The following EVI5L variants were observed in gnomAD, a reference collection of about 807,000 sequenced individuals.
EVI5L encodes ecotropic viral integration site 5 like, also known as EVI5-like protein.
A neutral mutation model predicts 106.1 loss-of-function variants in EVI5L; 30 were observed. The observed-to-expected ratio is 0.28, with a 90% CI of 0.21 to 0.38. EVI5L has a LOEUF of 0.38. Ranked by LOEUF, EVI5L falls within the 10% of genes least tolerant of loss-of-function variation. The pLI is 1.00. For missense variants in EVI5L, 809 were observed against 1,098.0 expected (o/e 0.74, Z 3.72); for synonymous variants, 489 against 483.3 (o/e 1.01, Z -0.15).
chr19:7,853,265 A>G lies in EVI5L; in HGVS notation c.1086-8A>G. 2 of 1,613,886 alleles carry G rather than the reference A, an allele frequency of 1.2e-6. No individual in the cohort carries two copies. The highest frequency in any genetic ancestry group is 2.2e-5 in the East Asian group (1 of 44,870). On this transcript the variant is annotated splice_region_variant and splice_polypyrimidine_tract_variant and intron_variant, in intron 9 of 19. Coordinates refer to ENST00000538904, the MANE Select transcript of EVI5L (RefSeq NM_001159944.3). The stretch of plus-strand genomic sequence containing the variant: ...TGACAGTAACCACGGGGCCCTCCCG[A>G]TCTGCAGGCTGGAGAAGGAGTACGC...
Position 7,851,936 on chromosome 19 carries a change from A to C in EVI5L, c.987+166A>C, listed in dbSNP as rs182483166. ...ACTCTGTTCCCCTGAGGTCTCCCTA[A>C]GGGACCAGAGGACCCCCTAGGCTCT... On this transcript the variant is annotated intron_variant, in intron 8 of 19. Transcript: ENST00000538904. 2.0e-4 allele frequency among the ~76,000 whole-genome samples: 30 copies of C among 152,232 alleles called. No homozygotes were observed. The East Asian group carries it at 5.2e-3, about 26-fold the overall frequency.
At chr19:7,830,625 C>T (rs1184349633) in intron 1 of EVI5L, among the ~76,000 whole-genome samples, 1 of 148,790 alleles carries the variant, frequency 6.7e-6, no homozygotes, top group Non-Finnish European at 1.5e-5. Flanking sequence ...TCCGTCCCCT[C>T]CCCATGAGGA....
chr19:7,844,736 C>T (rs1276522783), intron 1 of EVI5L, among the ~76,000 whole-genome samples: 1 of 152,188 alleles, frequency 6.6e-6, no homozygotes, highest in Non-Finnish European at 1.5e-5. Context: ...AGAGTTCCTT[C>T]CACTCCCCAA....
Position 7,858,012 on chromosome 19 carries a change from C to T in EVI5L, c.1234-179C>T. 1 of 672,668 alleles carries T rather than the reference C, an allele frequency of 1.5e-6. No homozygotes were observed. Among genetic ancestry groups the T allele is most frequent in the Non-Finnish European group, 2.5e-6 (1 of 404,806 alleles). 41.7% of individuals were successfully genotyped at this position (672,668 alleles called of 1,614,324 possible). A position where few individuals can be genotyped will look rare whatever the true frequency, so the allele number is the denominator to read the frequency against. On this transcript the variant is annotated intron_variant, in intron 12 of 19. Coordinates refer to ENST00000538904, the MANE Select transcript of EVI5L (RefSeq NM_001159944.3). This position sits in a 1 kb window ranked among gnomAD's most constrained non-coding sequence, Gnocchi z 5.7. ...CTCCAGGTGTCCTATTCCTGCCTGT[C>T]ACCCACCCACGTCCCCAGGCCCAGT...
At chr19:7,862,872 C>T in intron 17 of EVI5L, 100 bp from the exon 18 acceptor site, 1 of 816,620 alleles carries the variant, frequency 1.2e-6, no homozygotes. Context: ...CGCCTCCGCC[C>T]GCGGCCCCGC....
Position 7,863,124 on chromosome 19 carries a change from G to C in EVI5L, c.2043+57G>C. On this transcript the variant is annotated intron_variant, in intron 18 of 19. Transcript: ENST00000538904. This position sits in a 1 kb window ranked among gnomAD's most constrained non-coding sequence, Gnocchi z 7.7. ...GGCGGGGGCAGGGCCCGGGGCAGGA[G>C]CGGGGCCGGACCCCAGGCCCAGCAT... 6.5e-7 allele frequency: 1 copy of C among 1,533,940 alleles called. No individual in the cohort carries two copies. Among genetic ancestry groups the C allele is most frequent in the South Asian group, 1.2e-5 (1 of 82,948 alleles).
Position 7,847,770 on chromosome 19 carries a change from A to C in EVI5L, c.176A>C (p.Asn59Thr). 6.2e-7 allele frequency: 1 copy of C among 1,613,354 alleles called. No individual in the cohort carries two copies. ...GACTCCAAGTCCATGCGCTCCATGA[A>C]TGGCTCGCGGCGGAACAGTGGCTCC... is the stretch of plus-strand genomic sequence containing the variant. ...EADSKSMRSM[N>T]GSRRNSGSSL... Residue 59 changes from asparagine (N) to threonine (T), a missense_variant, in exon 3 of 20, where the codon AAT becomes ACT. Coordinates refer to ENST00000538904, the MANE Select transcript of EVI5L (RefSeq NM_001159944.3).
chr19:7,862,661 C>A (rs1979882786), intron 17 of EVI5L, 127 bp downstream of exon 17: 2 of 821,328 alleles, frequency 2.4e-6, no homozygotes, highest in Non-Finnish European at 3.3e-6. Context: ...CGCGGTCCTC[C>A]CGCCCCCGCC....
chr19:7,835,962 C>T lies in EVI5L; in HGVS notation c.-48+5581C>T, dbSNP rs1365705701. 6.7e-6 allele frequency among the ~76,000 whole-genome samples: 1 copy of T among 149,116 alleles called. No individual in the cohort carries two copies. Among genetic ancestry groups the T allele is most frequent in the Admixed American group, 6.6e-5 (1 of 15,056 alleles). ...ATCAGAAATGGGGGGTAGGGCCGGG[C>T]GTGGTGGCTCACACCTGTGATCTCG... On this transcript the variant is annotated intron_variant, in intron 1 of 19. Coordinates refer to ENST00000538904, the MANE Select transcript of EVI5L (RefSeq NM_001159944.3). This position sits in a 1 kb window ranked among gnomAD's most constrained non-coding sequence, Gnocchi z 4.1.
Position 7,863,557 on chromosome 19 carries a change from C to T in EVI5L, c.2273C>T (p.Ala758Val), listed in dbSNP as rs889492229. 8.8e-6 allele frequency: 14 copies of T among 1,599,604 alleles called. No individual in the cohort carries two copies. In the African/African-American group the frequency reaches 1.3e-4, roughly 15 times the overall value. Residue 758 changes from alanine (A) to valine (V), a missense_variant, in exon 20 of 20, where the codon GCC (alanine) becomes GTC (valine). Physicochemically the swap from Ala to Val is moderately conservative, Grantham distance 64. Transcript: ENST00000538904. This position sits in a 1 kb window ranked among gnomAD's most constrained non-coding sequence, Gnocchi z 7.7. ...CTACTTGGCGTAGGCGTGGGCGCTG[C>T]CCTGCAGGACGCATTGTACCCTCTG... ...EELLGVGVGA[A>V]LQDALYPLSP...
At chr19:7,851,029 G>C (rs2146428083) in intron 6 of EVI5L, among the ~76,000 whole-genome samples, 1 of 152,208 alleles carries the variant, frequency 6.6e-6, no homozygotes, top group South Asian at 2.1e-4. Flanking sequence ...GGTGGGGGGG[G>C]GGCTCCCCCC....
chr19:7,841,650 C>A (rs1187276104), intron 1 of EVI5L, among the ~76,000 whole-genome samples: 3 of 152,144 alleles, frequency 2.0e-5, no homozygotes, highest in Admixed American at 1.3e-4. Flanking sequence ...GACCCCCCTT[C>A]AGATGGCTGA....
rs1979173727 is a variant in EVI5L, at chr19:7,850,215, G to A, written c.753+93G>A. On this transcript the variant is annotated intron_variant, in intron 6 of 19. Transcript: ENST00000538904. The surrounding 1 kb of genome is among the most constrained non-coding windows in gnomAD (Gnocchi z 5.4). Reference sequence around the variant, plus strand: ...AGCAGGATCGCAGAAGGGCAGGGCTGGCACCCTAGACCATACCCGGGCACC... The same window carrying A: ...AGCAGGATCGCAGAAGGGCAGGGCTAGCACCCTAGACCATACCCGGGCACC... The A allele has an allele frequency of 6.0e-6, 9 of 1,500,110 alleles. No individual in the cohort carries two copies. Among genetic ancestry groups the A allele is most frequent in the Non-Finnish European group, 8.0e-6 (9 of 1,122,098 alleles). The allele number at this position is 1,500,110 out of a possible 1,614,324, so 92.9% of individuals were successfully genotyped here. A position where few individuals can be genotyped will look rare whatever the true frequency, so the allele number is the denominator to read the frequency against.
rs1979651904 is a variant in EVI5L at position 7,858,606 on chromosome 19, C to T, written c.1374+275C>T. On this transcript the variant is annotated intron_variant, in intron 13 of 19. Transcript: ENST00000538904. The surrounding 1 kb of genome is among the most constrained non-coding windows in gnomAD (Gnocchi z 5.7). ...CCTCAGCACGGAGGCCTCTGAAGAC[C>T]GGGCTGTCCCTGCAGGGTTTCCTCT... is the stretch of plus-strand genomic sequence containing the variant. 4.1e-6 allele frequency: 2 copies of T among 489,916 alleles called. No homozygotes were observed. The highest frequency in any genetic ancestry group is 3.7e-5 in the East Asian group (1 of 26,886). 30.3% of individuals were successfully genotyped at this position (489,916 alleles called of 1,614,324 possible).
In EVI5L at chr19:7,845,514, T is replaced by G. The variant is rs1401135750; in HGVS notation, c.-47-982T>G. 1.3e-5 allele frequency among the ~76,000 whole-genome samples: 2 copies of G among 152,198 alleles called. No homozygotes were observed. The highest frequency in any genetic ancestry group is 4.8e-5 in the African/African-American group (2 of 41,434). On this transcript the variant is annotated intron_variant, in intron 1 of 19. Coordinates refer to ENST00000538904, the MANE Select transcript of EVI5L (RefSeq NM_001159944.3). The surrounding 1 kb of genome is among the most constrained non-coding windows in gnomAD (Gnocchi z 4.0). ...CAGGCTCTGTTCTGACCAGGTTATGTGCAGTCATGTGCTCAGTTTCCACAG... is the reference window on the plus strand; with the variant it reads ...CAGGCTCTGTTCTGACCAGGTTATGGGCAGTCATGTGCTCAGTTTCCACAG...
intron 1 of EVI5L, 21 bp downstream of exon 1, chr19:7,830,402 C>G (rs1295989997): frequency 6.6e-6 from 1 of 151,374 alleles, no homozygotes; most frequent in Admixed American, 6.6e-5. Flanking sequence ...GCGGGCCGGG[C>G]CTCCCGGGCG....
intron 17 of EVI5L, 48 bp downstream of exon 17, chr19:7,862,582 G>T: frequency 7.6e-7 from 1 of 1,312,184 alleles, no homozygotes; most frequent in Non-Finnish European, 9.7e-7. Flanking sequence ...GCCCCCGGAC[G>T]CGCCCCTACA....
rs935487170 is a variant in EVI5L, at chr19:7,835,136, CTAAAAATAAAA to C, written c.-48+4767_-48+4777del. On this transcript the variant is annotated intron_variant, in intron 1 of 19. Coordinates refer to ENST00000538904, the MANE Select transcript of EVI5L (RefSeq NM_001159944.3). The surrounding 1 kb of genome is among the most constrained non-coding windows in gnomAD (Gnocchi z 4.1). ...TGGGTGACAAAACAAGACCCTGTCT[CTAAAAATAAAA>C]TAAAAATAAAAATAAACAAAAAAAA... Among the ~76,000 whole-genome samples the C allele has an allele frequency of 6.6e-6, 1 of 151,420 alleles. No homozygotes were observed. Among genetic ancestry groups the C allele is most frequent in the African/African-American group, 2.4e-5 (1 of 41,156 alleles).
intron 1 of EVI5L, 112 bp from the exon 2 acceptor site, chr19:7,846,384 C>CG: frequency 1.0e-6 from 1 of 979,606 alleles, no homozygotes; most frequent in Non-Finnish European, 1.5e-6. Context: ...GGTGCACGGA[C>CG]GGGGGTGGAC....
Sources: allele counts gnomAD v4.1 joint callset (sites outside exome capture counted in the v4.1 genomes callset), GRCh38; gene constraint gnomAD v4.1.1; non-coding constraint Gnocchi (gnomAD v3.1); transcripts MANE v1.5; gene names NCBI Gene and HGNC (gene_info 2026-07-23, HGNC 2026-07-21).